Variants in RUNX1 observed in about 807,000 individuals in gnomAD.
RUNX1 encodes the protein runt-related transcription factor 1.
RUNX1 carries 19 observed loss-of-function variants against 42.8 expected under a neutral mutation model. The ratio of observed to expected loss-of-function variants is 0.44; its 90% CI spans 0.31 to 0.65. The LOEUF (loss-of-function observed/expected upper bound fraction) is 0.65, where lower values mean the gene tolerates loss of function less well. Ranked by LOEUF, RUNX1 falls within the 30% of genes least tolerant of loss-of-function variation. RUNX1 has a pLI of 0.07. For synonymous variants in RUNX1, 271 were observed against 289.4 expected (o/e 0.94, Z 0.64); for missense variants, 528 against 672.0 (o/e 0.79, Z 2.37).
Position 34,789,933 on chromosome 21 carries a change from G to GA in RUNX1, c.*2201dup, listed in dbSNP as rs201214658. 0.015 allele frequency: 3,487 copies of GA among 232,626 alleles called. 34 individuals carry two copies. Among genetic ancestry groups the GA allele is most frequent in the Non-Finnish European group, 0.022 (2,566 of 117,906 alleles). 14.4% of individuals were successfully genotyped at this position (232,626 alleles called of 1,614,324 possible). On this transcript the variant is annotated 3_prime_UTR_variant, in exon 9 of 9. Transcript: ENST00000675419. ...CAGGTCAGACATGGTAACATGTGCT[G>GA]AAAAAAAACATTTACGTTTAATTTG...
intron 2 of RUNX1, among the ~76,000 whole-genome samples, chr21:34,894,925 ACACAT>A (rs1291074324): frequency 2.4e-5 from 3 of 124,722 alleles, no homozygotes; most frequent in Admixed American, 7.5e-5. Context: ...ACACACACAC[ACACAT>A]ATTCATATCT....
intron 3 of RUNX1, among the ~76,000 whole-genome samples, chr21:34,889,316 T>A (rs1472989317): frequency 6.6e-6 from 1 of 152,064 alleles, no homozygotes; most frequent in Non-Finnish European, 1.5e-5. Flanking sequence ...ATTCCTTGCA[T>A]GAGGCCGGAC....
intron 2 of RUNX1, among the ~76,000 whole-genome samples, chr21:34,982,397 G>GGTGTGTGTGTAT (rs1555912097): frequency 6.7e-6 from 1 of 148,218 alleles, no homozygotes; most frequent in Non-Finnish European, 1.5e-5. Flanking sequence ...AGTCAAAAGG[G>GGTGTGTGTGTAT]GTGTGTGTGT....
intron 4 of RUNX1, 105 bp downstream of exon 4, chr21:34,886,738 C>T: frequency 1.3e-6 from 2 of 1,565,982 alleles, no homozygotes; most frequent in African/African-American, 1.4e-5. Context: ...CTGCGGGGGC[C>T]CCTTTCCAGA....
At position 34,792,403 on chromosome 21, in the gene RUNX1, T is replaced by C. The variant is rs1290940209; in HGVS notation, c.1175A>G (p.Gln392Arg). 1 of 1,565,090 alleles carries C rather than the reference T, an allele frequency of 6.4e-7. No homozygotes were observed. Among genetic ancestry groups the C allele is most frequent in the Non-Finnish European group, 8.7e-7 (1 of 1,154,980 alleles). ...CGAGCTGGCTTGGAACGGGCCTCCC[T>C]GCGCTTGCGACGAGCCGGGGTAGGG... is the stretch of plus-strand genomic sequence containing the variant. ...PPPYPGSSQA[Q>R]GGPFQASSPS... The change falls in exon 9 of 9, where the codon CAG (glutamine) becomes CGG (arginine). Residue 392 changes from glutamine to arginine, a missense_variant. Physicochemically the swap from Gln to Arg is conservative, Grantham distance 43. Around this residue, in one of 3 missense-constraint regions of RUNX1, gnomAD observed 331 missense variants for 382.5 expected, o/e 0.87. Transcript: ENST00000675419. This position sits in a 1 kb window ranked among gnomAD's most constrained non-coding sequence, Gnocchi z 6.9.
intron 2 of RUNX1, among the ~76,000 whole-genome samples, chr21:34,939,456 A>C (rs1323402648): frequency 2.6e-5 from 4 of 152,230 alleles, no homozygotes; most frequent in African/African-American, 9.7e-5. Context: ...GATATGTAGG[A>C]AAGTTACACG....
intron 2 of RUNX1, among the ~76,000 whole-genome samples, chr21:34,993,816 C>CACAT (rs1330976422): frequency 6.7e-6 from 1 of 150,310 alleles, no homozygotes; most frequent in Admixed American, 6.6e-5. Context: ...CACACACACA[C>CACAT]ACATACACAG....
At chr21:34,837,128 T>A (rs1040762572) in intron 6 of RUNX1, among the ~76,000 whole-genome samples, 1 of 152,252 alleles carries the variant, frequency 6.6e-6, no homozygotes, top group Non-Finnish European at 1.5e-5. Flanking sequence ...GATTAACTGA[T>A]GACTGTCTGC....
intron 7 of RUNX1, among the ~76,000 whole-genome samples, chr21:34,799,726 G>A (rs549687032): frequency 2.9e-4 from 44 of 152,272 alleles, no homozygotes; most frequent in Admixed American, 7.8e-4. Context: ...ATGATGAGAG[G>A]AATGGATTAC....
chr21:34,817,923 T>C (rs1222641068), intron 7 of RUNX1, among the ~76,000 whole-genome samples: 1 of 152,224 alleles, frequency 6.6e-6, no homozygotes, highest in Non-Finnish European at 1.5e-5. Context: ...GCAAAGTGTC[T>C]GCAGACGTAA....
intron 2 of RUNX1, among the ~76,000 whole-genome samples, chr21:35,036,239 G>C (rs2059306923): frequency 6.6e-6 from 1 of 152,220 alleles, no homozygotes; most frequent in South Asian, 2.1e-4. Flanking sequence ...TTCTGTATAA[G>C]AAAAGCAGGT....
intron 5 of RUNX1, among the ~76,000 whole-genome samples, chr21:34,868,123 G>A (rs1186595875): frequency 1.3e-5 from 2 of 152,236 alleles, no homozygotes; most frequent in African/African-American, 4.8e-5. Flanking sequence ...AAGAAAGGCA[G>A]GTGAGTGTGG....
intron 5 of RUNX1, among the ~76,000 whole-genome samples, chr21:34,871,074 T>C (rs569332103): frequency 6.6e-6 from 1 of 152,238 alleles, no homozygotes; most frequent in Non-Finnish European, 1.5e-5. Flanking sequence ...AGTTAAAGGC[T>C]GGATCTCTTG....
At chr21:35,020,742 T>C (rs1351189490) in intron 2 of RUNX1, among the ~76,000 whole-genome samples, 1 of 152,190 alleles carries the variant, frequency 6.6e-6, no homozygotes, top group East Asian at 1.9e-4. Flanking sequence ...GATGTGCAAG[T>C]GAGAATCTTG....
At chr21:34,815,480 G>A (rs937992496) in intron 7 of RUNX1, among the ~76,000 whole-genome samples, 2 of 152,220 alleles carry the variant, frequency 1.3e-5, no homozygotes, top group African/African-American at 4.8e-5. Context: ...TGAAGCCCCC[G>A]CCATAGGGCA....
chr21:34,985,293 C>CA (rs1347163069), intron 2 of RUNX1, among the ~76,000 whole-genome samples: 2 of 152,208 alleles, frequency 1.3e-5, no homozygotes, highest in African/African-American at 2.4e-5. Context: ...AGCAGGACCT[C>CA]AATGGAGTGA....
Position 34,792,468 on chromosome 21 carries a change from G to A in RUNX1, c.1110C>T (p.Ala370=), listed in dbSNP as rs751779519. Residue 370 remains alanine (A), a synonymous_variant, in exon 9 of 9, where the codon GCC becomes GCT. Transcript: ENST00000675419. The surrounding 1 kb of genome is among the most constrained non-coding windows in gnomAD (Gnocchi z 6.9). Reference sequence around the variant, plus strand: ...TGTGGTAGCGCGTGGCCGAGCCCATGGCCGACATGCCGATGCCGATGCCCG... The same window carrying A: ...TGTGGTAGCGCGTGGCCGAGCCCATAGCCGACATGCCGATGCCGATGCCCG... ...VTSGIGIGMS[A]MGSATRYHTY... 6.3e-7 allele frequency: 1 copy of A among 1,584,994 alleles called. No individual in the cohort carries two copies. The highest frequency in any genetic ancestry group is 8.6e-7 in the Non-Finnish European group (1 of 1,165,696).
At chr21:34,822,826 T>G (rs1175225054) in intron 7 of RUNX1, among the ~76,000 whole-genome samples, 1 of 152,202 alleles carries the variant, frequency 6.6e-6, no homozygotes, top group Non-Finnish European at 1.5e-5. Context: ...ACAACAGTGT[T>G]ATAATCCCGC....
chr21:34,880,156 T>G (rs1413901460), intron 5 of RUNX1, among the ~76,000 whole-genome samples: 1 of 152,242 alleles, frequency 6.6e-6, no homozygotes, highest in Non-Finnish European at 1.5e-5. Context: ...TTTTCACAGA[T>G]AGCCCACAGA....
Sources: gnomAD v4.1 joint callset for allele counts (sites outside exome capture counted in the v4.1 genomes callset) on GRCh38, gnomAD v4.1.1 for gene constraint, gnomAD v4.1.1 regional missense constraint, Gnocchi (gnomAD v3.1) non-coding constraint, MANE v1.5 for transcripts, NCBI Gene and HGNC (gene_info 2026-07-23, HGNC 2026-07-21) for gene names.